RIMBP2: variants seen among roughly 807,000 people sequenced by gnomAD.
The protein encoded by RIMBP2 is RIMS binding protein 2, also known as RIMS-binding protein 2.
Under a neutral mutation model 118.6 loss-of-function variants are expected in RIMBP2, and 48 were observed. That is an observed-to-expected ratio of 0.40 (90% confidence interval 0.32 to 0.51). The LOEUF (loss-of-function observed/expected upper bound fraction) is 0.51. Among genes scored for constraint, RIMBP2 ranks in the 20% least tolerant of loss-of-function variants. The pLI, the probability that RIMBP2 is intolerant of heterozygous loss-of-function variation, is 0.41. For synonymous variants in RIMBP2, 762 were observed against 742.9 expected (o/e 1.03, Z -0.42); for missense variants, 1,551 against 1,768.3 (o/e 0.88, Z 2.20).
chr12:130,411,892 T>G (rs1244275407), intron 19 of RIMBP2, among the ~76,000 whole-genome samples: 1 of 152,194 alleles, frequency 6.6e-6, no homozygotes, highest in Non-Finnish European at 1.5e-5. Flanking sequence ...GCACAGAATT[T>G]TGTCTTTGAA....
At chr12:130,512,615 A>C (rs2051036192) in intron 3 of RIMBP2, among the ~76,000 whole-genome samples, 1 of 151,990 alleles carries the variant, frequency 6.6e-6, no homozygotes, top group African/African-American at 2.4e-5. Context: ...GAGCCACCGC[A>C]CCCGGCCTGG....
At chr12:130,508,916 CT>C (rs2050623863) in intron 3 of RIMBP2, among the ~76,000 whole-genome samples, 1 of 152,182 alleles carries the variant, frequency 6.6e-6, no homozygotes, top group Non-Finnish European at 1.5e-5. Context: ...ACAGGCCCCA[CT>C]GTCATCAATC....
intron 2 of RIMBP2, among the ~76,000 whole-genome samples, chr12:130,567,707 C>T (rs1431047928): frequency 6.6e-6 from 1 of 152,234 alleles, no homozygotes; most frequent in Non-Finnish European, 1.5e-5. Context: ...GGCCAACACC[C>T]CTTTCAGGGG....
At chr12:130,610,306 T>A (rs996831348) in intron 2 of RIMBP2, among the ~76,000 whole-genome samples, 4 of 152,176 alleles carry the variant, frequency 2.6e-5, no homozygotes, top group Non-Finnish European at 5.9e-5. Context: ...CCTCTCTTCA[T>A]CAAGTCTTGC....
In RIMBP2 at chr12:130,670,224, C is replaced by G. The variant is rs1292492074; in HGVS notation, c.-351-41768G>C. On this transcript the variant is annotated intron_variant, in intron 1 of 22. Transcript: ENST00000690449. This position sits in a 1 kb window ranked among gnomAD's most constrained non-coding sequence, Gnocchi z 4.9. ...TGAGCTCTGGGAGGGAGCACAGCCC[C>G]GCCGACACCATGATCCCGGCCCCAG... Among the ~76,000 whole-genome samples the G allele has an allele frequency of 6.6e-6, 1 of 151,864 alleles. No individual in the cohort carries two copies. The highest frequency in any genetic ancestry group is 6.6e-5 in the Admixed American group (1 of 15,246).
intron 4 of RIMBP2, among the ~76,000 whole-genome samples, chr12:130,498,970 G>T (rs1349562727): frequency 6.6e-6 from 1 of 152,206 alleles, no homozygotes; most frequent in Admixed American, 6.5e-5. Context: ...CTAAAACTGA[G>T]TAATTTGTGA....
intron 1 of RIMBP2, among the ~76,000 whole-genome samples, chr12:130,680,114 G>A (rs563810740): frequency 3.3e-5 from 5 of 152,382 alleles, no homozygotes; most frequent in African/African-American, 9.6e-5. Flanking sequence ...CAGGCAATAT[G>A]CTTTGTATGG....
At chr12:130,501,586 A>G (rs971785817) in intron 4 of RIMBP2, among the ~76,000 whole-genome samples, 1 of 152,232 alleles carries the variant, frequency 6.6e-6, no homozygotes, top group Non-Finnish European at 1.5e-5. Context: ...TGACCCAGCC[A>G]TCCAGAAGTT....
intron 2 of RIMBP2, among the ~76,000 whole-genome samples, chr12:130,588,088 C>T (rs2059029588): frequency 6.6e-6 from 1 of 152,088 alleles, no homozygotes; most frequent in African/African-American, 2.4e-5. Context: ...GCTGTTCCCC[C>T]ATCCCATCTG....
intron 19 of RIMBP2, among the ~76,000 whole-genome samples, chr12:130,409,403 C>CGCGAT (rs1404164983): frequency 8.1e-6 from 1 of 123,664 alleles, no homozygotes; most frequent in African/African-American, 3.0e-5. Flanking sequence ...AGTGCAGTGG[C>CGCGAT]GCGATCCCGG....
In RIMBP2 at chr12:130,649,295, A is replaced by T. The variant is rs1387717639; in HGVS notation, c.-351-20839T>A. On this transcript the variant is annotated intron_variant, in intron 1 of 22. Transcript: ENST00000690449. ...CGTTTCTCTCCTCCTCAGCGGAGAG[A>T]TGAGTGCTCCCGGCCGGAGGCCGCT... Among the ~76,000 whole-genome samples, 2 of 151,942 alleles carry T rather than the reference A, an allele frequency of 1.3e-5. 1 individual carries two copies. The highest frequency in any genetic ancestry group is 2.9e-5 in the Non-Finnish European group (2 of 67,896).
chr12:130,613,925 T>C (rs2060731986), intron 2 of RIMBP2, among the ~76,000 whole-genome samples: 1 of 151,268 alleles, frequency 6.6e-6, no homozygotes, highest in African/African-American at 2.4e-5. Context: ...ACAGCCACCA[T>C]AGGACCCCAA....
At chr12:130,706,054 T>C (rs2066101445) in intron 1 of RIMBP2, among the ~76,000 whole-genome samples, 1 of 152,246 alleles carries the variant, frequency 6.6e-6, no homozygotes, top group Admixed American at 6.5e-5. Context: ...ATTATTCTAC[T>C]AATTCCATTC....
intron 5 of RIMBP2, among the ~76,000 whole-genome samples, chr12:130,477,494 G>A (rs1034516167): frequency 2.0e-5 from 3 of 152,148 alleles, no homozygotes; most frequent in Non-Finnish European, 4.4e-5. Context: ...ATTCCTGCCC[G>A]TGTCCCAGCA....
In RIMBP2 at chr12:130,703,215, C is replaced by A. The variant is rs2065942353; in HGVS notation, c.-352+13007G>T. ...CAGCCAATTAACCAGGAGAGTCACC[C>A]TCCTGGTTGACAGATGACGCCTGGT... On this transcript the variant is annotated intron_variant, in intron 1 of 22. Transcript: ENST00000690449. The surrounding 1 kb of genome is among the most constrained non-coding windows in gnomAD (Gnocchi z 5.7). Among the ~76,000 whole-genome samples the A allele has an allele frequency of 6.6e-6, 1 of 152,136 alleles. No homozygotes were observed. The highest frequency in any genetic ancestry group is 1.5e-5 in the Non-Finnish European group (1 of 68,020).
chr12:130,533,269 A>G (rs1359471246), intron 2 of RIMBP2, among the ~76,000 whole-genome samples: 2 of 152,188 alleles, frequency 1.3e-5, no homozygotes, highest in African/African-American at 2.4e-5. Context: ...GGGAGTGTCA[A>G]AAGAAGACAT....
intron 2 of RIMBP2, among the ~76,000 whole-genome samples, chr12:130,627,089 T>C (rs1284630341): frequency 6.7e-6 from 1 of 149,812 alleles, no homozygotes; most frequent in Non-Finnish European, 1.5e-5. Flanking sequence ...ATCACCACCG[T>C]CTCCTCCATC....
At chr12:130,551,387 C>A (rs1775952841) in intron 2 of RIMBP2, among the ~76,000 whole-genome samples, 1 of 152,190 alleles carries the variant, frequency 6.6e-6, no homozygotes, top group Non-Finnish European at 1.5e-5. Flanking sequence ...TGAGATATTT[C>A]TCACTTCATC....
intron 21 of RIMBP2, among the ~76,000 whole-genome samples, chr12:130,400,949 G>A (rs775852940): frequency 6.6e-5 from 10 of 152,076 alleles, no homozygotes; most frequent in Non-Finnish European, 1.5e-4. Flanking sequence ...ATGAAGAAAC[G>A]AATACTCGTG....
Sources: gnomAD v4.1 joint callset for allele counts (sites outside exome capture counted in the v4.1 genomes callset) on GRCh38, gnomAD v4.1.1 for gene constraint, Gnocchi (gnomAD v3.1) non-coding constraint, MANE v1.5 for transcripts, NCBI Gene and HGNC (gene_info 2026-07-23, HGNC 2026-07-21) for gene names.